CASP8: variants seen among roughly 807,000 people sequenced by gnomAD.
The protein encoded by CASP8 is caspase 8.
Under a neutral mutation model 46.3 loss-of-function variants are expected in CASP8, and 24 were observed. The ratio of observed to expected loss-of-function variants is 0.52; its 90% CI spans 0.38 to 0.73. CASP8 has a LOEUF of 0.73. Ranked by LOEUF, CASP8 falls within the 30% of genes least tolerant of loss-of-function variation. CASP8 has a pLI of 0.00. For synonymous variants in CASP8, 188 were observed against 200.4 expected (o/e 0.94, Z 0.52); for missense variants, 460 against 559.0 (o/e 0.82, Z 1.79).
At chr2:201,275,256 A>T (rs796320252) in intron 6 of CASP8, among the ~76,000 whole-genome samples, 42 of 152,260 alleles carry the variant, frequency 2.8e-4, no homozygotes, top group African/African-American at 9.9e-4. Flanking sequence ...CAGCCGTGCC[A>T]GCCTGGATGG....
chr2:201,267,827 G>A (rs1349046829), intron 2 of CASP8, among the ~76,000 whole-genome samples: 1 of 152,186 alleles, frequency 6.6e-6, no homozygotes, highest in African/African-American at 2.4e-5. Flanking sequence ...TCACAACCAG[G>A]GCTGACAGCT....
At chr2:201,251,603 AAAAAAAG>A (rs1262229257) in intron 2 of CASP8, among the ~76,000 whole-genome samples, 2 of 137,970 alleles carry the variant, frequency 1.4e-5, no homozygotes, top group Non-Finnish European at 3.1e-5. Context: ...TCAAAAAAAA[AAAAAAAG>A]AAAAAAAAAT....
upstream of CASP8, chr2:201,258,415 C>G (rs774409752): frequency 1.1e-5 from 17 of 1,613,088 alleles, no homozygotes; most frequent in East Asian, 3.3e-4. Context: ...GCCTCTTCAA[C>G]AGGAAACCAC....
intron 2 of CASP8, among the ~76,000 whole-genome samples, chr2:201,250,480 A>G (rs1296065269): frequency 6.6e-6 from 1 of 152,190 alleles, no homozygotes; most frequent in Non-Finnish European, 1.5e-5. Flanking sequence ...ATGGTGGAAG[A>G]CAAAGGGGGA....
intron 2 of CASP8, among the ~76,000 whole-genome samples, chr2:201,271,028 C>T (rs1017204026): frequency 6.6e-6 from 1 of 152,048 alleles, no homozygotes; most frequent in Non-Finnish European, 1.5e-5. Flanking sequence ...GGCTTCAGGT[C>T]CTTTCGTGTT....
rs572554288 is a variant in CASP8, at chr2:201,246,067, A to G, written c.-27+11955A>G. Among the ~76,000 whole-genome samples, 8 of 151,974 alleles carry G rather than the reference A, an allele frequency of 5.3e-5. No homozygotes were observed. In the East Asian group the frequency reaches 1.4e-3, roughly 26 times the overall value. On this transcript the variant is annotated intron_variant, in intron 2 of 6. Coordinates refer to the CASP8 transcript ENST00000264274. ...TTTTTAGTAGAGACGGGGTTTCTCC[A>G]TGTTGAGGCTGGTCTCGAACTCCCA... is the stretch of plus-strand genomic sequence containing the variant.
At chr2:201,247,507 A>C (rs1946583929) in intron 2 of CASP8, among the ~76,000 whole-genome samples, 1 of 150,018 alleles carries the variant, frequency 6.7e-6, no homozygotes, top group African/African-American at 2.5e-5. Flanking sequence ...TTTTCCTGAA[A>C]CAGAGCCTCA....
chr2:201,234,603 C>T (rs1397496671), intron 2 of CASP8, among the ~76,000 whole-genome samples: 1 of 151,378 alleles, frequency 6.6e-6, no homozygotes, highest in African/African-American at 2.4e-5. Context: ...GCACCTGCTT[C>T]CATGCCTGGC....
At chr2:201,282,767 C>T (rs1289986517) in intron 7 of CASP8, among the ~76,000 whole-genome samples, 4 of 83,184 alleles carry the variant, frequency 4.8e-5, no homozygotes, top group Admixed American at 9.7e-5. Context: ...TAGGGGCGGC[C>T]CGGCAGAGGC....
chr2:201,257,792 G>A (rs1947097294), upstream of CASP8, among the ~76,000 whole-genome samples: 1 of 152,192 alleles, frequency 6.6e-6, no homozygotes, highest in South Asian at 2.1e-4. Context: ...CAGTGCTGAG[G>A]TTTGATCAAG....
At chr2:201,280,718 C>G (rs1948946812) in intron 7 of CASP8, among the ~76,000 whole-genome samples, 1 of 152,004 alleles carries the variant, frequency 6.6e-6, no homozygotes, top group African/African-American at 2.4e-5. Flanking sequence ...GAGAGATGTC[C>G]CAGGAGAAGA....
chr2:201,266,739 G>A lies in CASP8; in HGVS notation c.253G>A (p.Glu85Lys). 6.2e-7 allele frequency: 1 copy of A among 1,613,896 alleles called. No individual in the cohort carries two copies. Among genetic ancestry groups the A allele is most frequent in the Non-Finnish European group, 8.5e-7 (1 of 1,179,816 alleles). ...TACCTACCTAAACACTAGAAAGGAG[G>A]AGATGGAAAGGGAACTTCAGACACC... ...LITYLNTRKE[E>K]MERELQTPGR... The change falls in exon 2 of 9, where the codon GAG (glutamate) becomes AAG (lysine). Residue 85 changes from glutamate (E) to lysine (K), a missense_variant. Glu to Lys is a moderately conservative substitution (Grantham distance 56). Coordinates refer to ENST00000673742, the MANE Select transcript of CASP8 (RefSeq NM_001372051.1). This position sits in a 1 kb window ranked among gnomAD's most constrained non-coding sequence, Gnocchi z 5.7.
At chr2:201,239,220 C>T (rs554321706) in intron 2 of CASP8, among the ~76,000 whole-genome samples, 1 of 152,314 alleles carries the variant, frequency 6.6e-6, no homozygotes, top group East Asian at 1.9e-4. Context: ...CCCCACCTTT[C>T]CCCCCTTTCT....
At chr2:201,265,359 A>G (rs1275588928) in intron 1 of CASP8, among the ~76,000 whole-genome samples, 1 of 143,864 alleles carries the variant, frequency 7.0e-6, no homozygotes. Flanking sequence ...TGGGTGACAG[A>G]GCAAGACTGG....
upstream of CASP8, chr2:201,258,357 G>A: frequency 1.2e-6 from 2 of 1,613,950 alleles, no homozygotes; most frequent in Non-Finnish European, 1.7e-6. Context: ...CGGAGACTGC[G>A]ATGGTGCCAG....
chr2:201,274,039 C>T (rs999263241), intron 5 of CASP8, among the ~76,000 whole-genome samples: 2 of 152,042 alleles, frequency 1.3e-5, no homozygotes, highest in Non-Finnish European at 2.9e-5. Context: ...TTTACAAGTC[C>T]AAGAACACCA....
chr2:201,272,739 G>A lies in CASP8; in HGVS notation c.513G>A (p.Leu171=). The change falls in exon 4 of 9, where the codon CTG becomes CTA. Residue 171 remains leucine (L), a synonymous_variant. Transcript: ENST00000673742. This position sits in a 1 kb window ranked among gnomAD's most constrained non-coding sequence, Gnocchi z 4.4. ...TCTGTGCCCAAATCAACAAGAGCCT[G>A]CTGAAGATAATCAACGACTATGAAG... is the stretch of plus-strand genomic sequence containing the variant. The part of the protein sequence containing the change: ...KRVCAQINKS[L]LKIINDYEEF... The A allele has an allele frequency of 5.6e-6, 9 of 1,614,184 alleles. No individual in the cohort carries two copies. Among genetic ancestry groups the A allele is most frequent in the Non-Finnish European group, 6.8e-6 (8 of 1,180,032 alleles).
At position 201,286,566 on chromosome 2, in the gene CASP8, G is replaced by GA; in HGVS notation, c.1419dup (p.Leu474ThrfsTer6). 1 of 1,614,034 alleles carries GA rather than the reference G, an allele frequency of 6.2e-7. No homozygotes were observed. Among genetic ancestry groups the GA allele is most frequent in the Non-Finnish European group, 8.5e-7 (1 of 1,179,944 alleles). On this transcript the variant is annotated frameshift_variant, in exon 9 of 9. Transcript: ENST00000673742. LOFTEE classifies it high-confidence loss of function. The stretch of plus-strand genomic sequence containing the variant: ...ATGCCTCAGCCTACTTTCACACTAA[G>GA]AAAAAAACTTGTCTTCCCTTCTGAT...
intron 3 of CASP8, among the ~76,000 whole-genome samples, 168 bp downstream of exon 3, chr2:201,271,789 C>T (rs916444961): frequency 1.4e-4 from 22 of 152,170 alleles, no homozygotes; most frequent in Admixed American, 1.0e-3. Flanking sequence ...TCCTTTAGAC[C>T]GAAGTGCTGC....
Sources: gnomAD v4.1 joint callset for allele counts (sites outside exome capture counted in the v4.1 genomes callset) on GRCh38, gnomAD v4.1.1 for gene constraint, Gnocchi (gnomAD v3.1) non-coding constraint, MANE v1.5 for transcripts, NCBI Gene and HGNC (gene_info 2026-07-23, HGNC 2026-07-21) for gene names.